Variants in MUCL1 observed in about 807,000 individuals in gnomAD.
MUCL1 encodes mucin like 1.
A neutral mutation model predicts 9.2 loss-of-function variants in MUCL1; 11 were observed. The observed-to-expected ratio is 1.19, with a 90% CI of 0.75 to 1.97. The LOEUF is 1.97. Among genes scored for constraint, MUCL1 ranks in the 30% most tolerant of loss-of-function variants. The probability of loss-of-function intolerance (pLI) is 0.00; values close to 1 mark genes in which losing one functional copy is unlikely to be tolerated. For missense variants in MUCL1, 144 were observed against 110.9 expected (o/e 1.30, Z -1.34); for synonymous variants, 48 against 40.5 (o/e 1.19, Z -0.71).
chr12:54,850,006 C>T (rs1473428261), upstream of MUCL1, among the ~76,000 whole-genome samples: 1 of 152,162 alleles, frequency 6.6e-6, no homozygotes, highest in Admixed American at 6.5e-5. Context: ...CCAGCTTCAG[C>T]TTGGGCAAAC....
At chr12:54,855,520 C>G (rs1868292414) in intron 2 of MUCL1, 1 of 231,100 alleles carries the variant, frequency 4.3e-6, no homozygotes, top group Non-Finnish European at 8.7e-6. Flanking sequence ...AAAAAGAGAC[C>G]AGTGGGTCTC....
At chr12:54,837,179 G>C (rs112837338), upstream of MUCL1, among the ~76,000 whole-genome samples, 132 of 152,192 alleles carry the variant, frequency 8.7e-4, no homozygotes, top group African/African-American at 3.1e-3. Flanking sequence ...TCAGTAGAGA[G>C]TTGAAGTCCC....
chr12:54,841,778 G>A (rs778439582), intron 1 of MUCL1, among the ~76,000 whole-genome samples: 1 of 152,000 alleles, frequency 6.6e-6, no homozygotes, highest in African/African-American at 2.4e-5. Context: ...TCATTTTGTC[G>A]ATTGTTTCCT....
chr12:54,843,069 A>G (rs1959220269), intron 1 of MUCL1, among the ~76,000 whole-genome samples: 1 of 152,174 alleles, frequency 6.6e-6, no homozygotes, highest in South Asian at 2.1e-4. Flanking sequence ...TAGCTTAGGT[A>G]TGTACTAGGT....
rs1254128778 is a variant in MUCL1, at chr12:54,858,205, G to A, written c.236G>A (p.Trp79Ter). Residue 79 changes from tryptophan (W) to a stop codon, truncating the protein, a stop_gained, in exon 4 of 4, where the codon TGG becomes TAG. Coordinates refer to ENST00000308796, the MANE Select transcript of MUCL1 (RefSeq NM_058173.3). LOFTEE classifies it low-confidence loss of function (END_TRUNC). ...ARKDIPVLPK[W>*]VGDLPNGRVC... is the part of the protein sequence containing the mutation. The stretch of plus-strand genomic sequence containing the variant: ...TTTTCTCTTGCAGTTTTACCCAAAT[G>A]GGTTGGGGATCTCCCGAATGGTAGA... 6.2e-7 allele frequency: 1 copy of A among 1,613,392 alleles called. No individual in the cohort carries two copies. Among genetic ancestry groups the A allele is most frequent in the Admixed American group, 1.7e-5 (1 of 59,930 alleles).
At chr12:54,848,724 C>G (rs999725418) in intron 1 of MUCL1, among the ~76,000 whole-genome samples, 1 of 152,128 alleles carries the variant, frequency 6.6e-6, no homozygotes. Flanking sequence ...ACAAATATTG[C>G]TTCTGGCATA....
Position 54,854,637 on chromosome 12 carries a change from G to A in MUCL1, c.55G>A (p.Ala19Thr), listed in dbSNP as rs766060562. ...LLGVSIFLVS[A>T]QNPTTAAPAD... ...GGGAGTTTCCATCTTTCTGGTCTCT[G>A]CCCGTAAGTAAAGATTCTTACCTGA... Residue 19 changes from alanine (A) to threonine (T), a missense_variant, in exon 1 of 4, where the codon GCC becomes ACC. By Grantham distance (58) the Ala-to-Thr change is moderately conservative (BLOSUM62 0). Transcript: ENST00000308796. 9 of 1,612,496 alleles carry A rather than the reference G, an allele frequency of 5.6e-6. No homozygotes were observed. In the African/African-American group the frequency reaches 9.4e-5, roughly 17 times the overall value.
chr12:54,853,391 C>A (rs930385304), upstream of MUCL1, among the ~76,000 whole-genome samples: 18 of 152,098 alleles, frequency 1.2e-4, no homozygotes, highest in Admixed American at 7.2e-4. Flanking sequence ...TGACAAAGGG[C>A]AAGTAGATTG....
upstream of MUCL1, among the ~76,000 whole-genome samples, chr12:54,850,617 C>T (rs868669640): frequency 2.0e-5 from 3 of 152,242 alleles, no homozygotes; most frequent in East Asian, 3.9e-4. Flanking sequence ...CTGCAATAAA[C>T]ATACGTGTGC....
intron 1 of MUCL1, among the ~76,000 whole-genome samples, chr12:54,844,744 C>T (rs1036622090): frequency 6.6e-6 from 1 of 152,178 alleles, no homozygotes; most frequent in Non-Finnish European, 1.5e-5. Context: ...CTATTTTCTC[C>T]ACATATCTTT....
chr12:54,849,489 G>C (rs969165760), intron 1 of MUCL1, among the ~76,000 whole-genome samples: 4 of 151,940 alleles, frequency 2.6e-5, no homozygotes, highest in African/African-American at 7.2e-5. Flanking sequence ...TAATGGGAAA[G>C]AGCAGTAGTA....
At chr12:54,850,207 C>T (rs559482801), upstream of MUCL1, among the ~76,000 whole-genome samples, 3 of 152,176 alleles carry the variant, frequency 2.0e-5, no homozygotes, top group Admixed American at 6.5e-5. Context: ...ATGTGCACAA[C>T]GTGCAGGTTT....
chr12:54,835,327 T>C (rs573421955), upstream of MUCL1, among the ~76,000 whole-genome samples: 10 of 152,254 alleles, frequency 6.6e-5, no homozygotes, highest in South Asian at 8.3e-4. Flanking sequence ...TTGAGAACTC[T>C]CCATACTGTT....
At chr12:54,853,280 A>G (rs759815018), upstream of MUCL1, among the ~76,000 whole-genome samples, 2 of 152,062 alleles carry the variant, frequency 1.3e-5, no homozygotes, top group Admixed American at 6.6e-5. Context: ...AATGTTCATC[A>G]CCCCTCTTTG....
chr12:54,833,041 G>A (rs1468242697), intron 1 of MUCL1, among the ~76,000 whole-genome samples: 5 of 152,068 alleles, frequency 3.3e-5, no homozygotes, highest in Admixed American at 2.6e-4. Flanking sequence ...TACCAGTACA[G>A]CACTATTCGT....
intron 1 of MUCL1, chr12:54,839,541 A>G: frequency 1.4e-6 from 1 of 699,508 alleles, no homozygotes; most frequent in Non-Finnish European, 2.6e-6. Flanking sequence ...AGGTCTTTTC[A>G]TTGGGGTAGG....
chr12:54,851,152 C>T (rs1025409248), upstream of MUCL1, among the ~76,000 whole-genome samples: 6 of 152,122 alleles, frequency 3.9e-5, no homozygotes, highest in South Asian at 2.1e-4. Context: ...TGTGCAGAAG[C>T]TCTTTAGTTT....
chr12:54,840,338 C>T (rs1212390450), intron 1 of MUCL1, among the ~76,000 whole-genome samples: 3 of 152,204 alleles, frequency 2.0e-5, no homozygotes, highest in Admixed American at 1.3e-4. Context: ...CTCAGGACCT[C>T]CTGCTCAGCC....
chr12:54,855,149 A>G lies in MUCL1; in HGVS notation c.92A>G (p.Tyr31Cys), dbSNP rs746952192. 1.2e-6 allele frequency: 2 copies of G among 1,613,332 alleles called. No homozygotes were observed. The highest frequency in any genetic ancestry group is 8.5e-7 in the Non-Finnish European group (1 of 1,179,566). ...ACAACAGCTGCTCCAGCTGACACGT[A>G]TCCAGCTAGTGAGTCTGCACTTGAA... ...NPTTAAPADT[Y>C]PATGPADDEA... The change falls in exon 2 of 4, where the codon TAT becomes TGT. Residue 31 changes from tyrosine to cysteine, a missense_variant. By Grantham distance (194) the Tyr-to-Cys change is radical. Transcript: ENST00000308796.
Sources: gnomAD v4.1 joint callset for allele counts (sites outside exome capture counted in the v4.1 genomes callset) on GRCh38, gnomAD v4.1.1 for gene constraint, MANE v1.5 for transcripts, NCBI Gene and HGNC (gene_info 2026-07-23, HGNC 2026-07-21) for gene names.